ASCC3: variants seen among roughly 807,000 people sequenced by gnomAD.
The protein encoded by ASCC3 is ASC-1 complex subunit P200.
ASCC3 carries 158 observed loss-of-function variants against 256.3 expected under a neutral mutation model. The ratio of observed to expected loss-of-function variants is 0.62; its 90% CI spans 0.54 to 0.70. The LOEUF is 0.70. Ranked by LOEUF, ASCC3 falls within the 30% of genes least tolerant of loss-of-function variation. The probability of loss-of-function intolerance (pLI) is 0.00; values close to 1 mark genes in which losing one functional copy is unlikely to be tolerated. For missense variants in ASCC3, 2,259 were observed against 2,626.0 expected (o/e 0.86, Z 3.05); for synonymous variants, 948 against 883.4 (o/e 1.07, Z -1.30).
intron 16 of ASCC3, among the ~76,000 whole-genome samples, chr6:100,658,328 A>C (rs1037515054): frequency 1.3e-4 from 20 of 151,540 alleles, no homozygotes; most frequent in African/African-American, 4.8e-4. Flanking sequence ...ATATCACTTC[A>C]TATCTAACTT....
chr6:100,851,302 C>T (rs979175179), intron 3 of ASCC3, among the ~76,000 whole-genome samples: 7 of 152,092 alleles, frequency 4.6e-5, no homozygotes, highest in Admixed American at 6.5e-5. Flanking sequence ...ATAAATAGGT[C>T]ACCTTAAGAA....
rs997113435 is a variant in ASCC3 at position 100,509,819 on chromosome 6, C to T, written c.6461+113G>A. 5.6e-5 allele frequency: 61 copies of T among 1,091,764 alleles called. No homozygotes were observed. In the African/African-American group the frequency reaches 7.6e-4, roughly 14 times the overall value. 67.6% of individuals were successfully genotyped at this position (1,091,764 alleles called of 1,614,324 possible). A position where few individuals can be genotyped will look rare whatever the true frequency, so the allele number is the denominator to read the frequency against. On this transcript the variant is annotated intron_variant, in intron 41 of 41. Coordinates refer to ENST00000369162, the MANE Select transcript of ASCC3 (RefSeq NM_006828.4). ...AGGAGAATGGCGTGAACCCGGGAGG[C>T]GGAGCTTGCAGTGAGCAGAGATCGC... is the stretch of plus-strand genomic sequence containing the variant.
chr6:100,648,590 A>G (rs186154259), intron 20 of ASCC3, among the ~76,000 whole-genome samples: 2 of 152,156 alleles, frequency 1.3e-5, no homozygotes, highest in East Asian at 3.9e-4. Flanking sequence ...AATGGTAGAT[A>G]GAAGTATGAG....
intron 8 of ASCC3, among the ~76,000 whole-genome samples, chr6:100,771,904 G>C (rs1781954183): frequency 9.0e-6 from 1 of 111,484 alleles, no homozygotes. Context: ...TTGAGATGGA[G>C]TCTCTTGCTC....
chr6:100,662,112 A>G (rs888322337), intron 15 of ASCC3, 82 bp from the exon 16 acceptor site: 2 of 1,354,752 alleles, frequency 1.5e-6, no homozygotes, highest in Admixed American at 3.5e-5. Context: ...AATTAGGCAA[A>G]TATGGCAAGA....
At chr6:100,872,448 T>G in intron 1 of ASCC3, among the ~76,000 whole-genome samples, 1 of 103,940 alleles carries the variant, frequency 9.6e-6, no homozygotes, top group African/African-American at 3.8e-5. Context: ...CCCTGAGACC[T>G]GAGTAGAAAA....
intron 36 of ASCC3, among the ~76,000 whole-genome samples, chr6:100,582,499 G>A (rs1771349822): frequency 1.3e-5 from 2 of 151,698 alleles, no homozygotes; most frequent in African/African-American, 4.8e-5. Flanking sequence ...GAGACAATGG[G>A]GTTTTCTAGA....
chr6:100,675,877 AT>A (rs1353300761), intron 14 of ASCC3, among the ~76,000 whole-genome samples: 2 of 152,162 alleles, frequency 1.3e-5, no homozygotes, highest in Non-Finnish European at 2.9e-5. Context: ...TAACAGAAAA[AT>A]TTGATTTGAT....
chr6:100,544,169 C>A (rs1562107531), intron 36 of ASCC3, among the ~76,000 whole-genome samples: 1 of 152,012 alleles, frequency 6.6e-6, no homozygotes, highest in African/African-American at 2.4e-5. Flanking sequence ...ATCATTGGAA[C>A]AGTACTTAGG....
chr6:100,514,272 T>A (rs993752657), intron 39 of ASCC3, among the ~76,000 whole-genome samples: 3 of 152,100 alleles, frequency 2.0e-5, no homozygotes, highest in Admixed American at 1.3e-4. Context: ...CTAGAACCCA[T>A]AGTCACTAAG....
chr6:100,665,235 T>A (rs1776407062), intron 14 of ASCC3, among the ~76,000 whole-genome samples: 1 of 152,162 alleles, frequency 6.6e-6, no homozygotes, highest in Non-Finnish European at 1.5e-5. Flanking sequence ...TTGGTATATC[T>A]CTCTGGTCTC....
At chr6:100,542,465 G>A (rs1400425289) in intron 36 of ASCC3, among the ~76,000 whole-genome samples, 4 of 152,034 alleles carry the variant, frequency 2.6e-5, no homozygotes, top group Admixed American at 6.6e-5. Flanking sequence ...AGCGGATCAC[G>A]AGGTCAAGAG....
chr6:100,590,001 T>C lies in ASCC3; in HGVS notation c.5362A>G (p.Ile1788Val), dbSNP rs1212571509. 1 of 1,613,618 alleles carries C rather than the reference T, an allele frequency of 6.2e-7. No homozygotes were observed. Among genetic ancestry groups the C allele is most frequent in the African/African-American group, 1.3e-5 (1 of 74,916 alleles). Residue 1788 changes from isoleucine to valine, a missense_variant, in exon 35 of 42, where the codon ATT (isoleucine) becomes GTT (valine). Physicochemically the swap from Ile to Val is conservative, Grantham distance 29. Around this residue, in one of 2 missense-constraint regions of ASCC3, gnomAD observed 1,839 missense variants for 2,206.7 expected, o/e 0.83. Transcript: ENST00000369162. Reference protein sequence around the residue: ...DSVNKFLSHLIEKSLIELELS... With the variant: ...DSVNKFLSHLVEKSLIELELS... ...TCCAATTCAATCAGGGACTTCTCAA[T>C]CAGATGGGACAGAAACTTGTTCACA...
intron 4 of ASCC3, among the ~76,000 whole-genome samples, chr6:100,846,904 CAATT>C (rs10565511): frequency 0.35 from 52,399 of 151,638 alleles, 10,565 homozygotes; most frequent in Middle Eastern, 0.48. Context: ...TCCTGCTAGA[CAATT>C]AATTCTGAGA....
At chr6:100,655,917 C>G in intron 16 of ASCC3, 99 bp from the exon 17 acceptor site, 2 of 1,362,090 alleles carry the variant, frequency 1.5e-6, no homozygotes, top group Non-Finnish European at 2.1e-6. Flanking sequence ...AAAAATACAT[C>G]ATTATGCAGT....
At chr6:100,517,602 T>C (rs868111370) in intron 38 of ASCC3, among the ~76,000 whole-genome samples, 1 of 152,188 alleles carries the variant, frequency 6.6e-6, no homozygotes, top group Non-Finnish European at 1.5e-5. Flanking sequence ...CTTTTGACAA[T>C]GGATTTCAGA....
chr6:100,624,469 C>T (rs9485236), intron 30 of ASCC3, among the ~76,000 whole-genome samples: 9,940 of 151,744 alleles, frequency 0.066, 733 homozygotes, highest in East Asian at 0.31. Flanking sequence ...CAATAAGTTG[C>T]AACAAATGAG....
chr6:100,846,002 T>A (rs1044673138), intron 4 of ASCC3, among the ~76,000 whole-genome samples: 3 of 152,144 alleles, frequency 2.0e-5, no homozygotes, highest in African/African-American at 7.2e-5. Flanking sequence ...GCATGCTACA[T>A]AAATATTCCT....
chr6:100,661,886 G>A lies in ASCC3; in HGVS notation c.2623C>T (p.His875Tyr), dbSNP rs1224298442. The part of the protein sequence containing the change: ...IIITTHDKLS[H>Y]YLTLLTQRNP... ...CGTTGAGTGAGCAAAGTGAGGTAAT[G>A]GCTGAGTTTATCATGCGTTGTTATA... The change falls in exon 16 of 42, where the codon CAT becomes TAT. Residue 875 changes from histidine (H) to tyrosine (Y), a missense_variant. His to Tyr is a moderately conservative substitution (Grantham distance 83). Around this residue, in one of 2 missense-constraint regions of ASCC3, gnomAD observed 1,839 missense variants for 2,206.7 expected, o/e 0.83. Coordinates refer to ENST00000369162, the MANE Select transcript of ASCC3 (RefSeq NM_006828.4). The A allele has an allele frequency of 2.5e-6, 4 of 1,613,222 alleles. No individual in the cohort carries two copies. The highest frequency in any genetic ancestry group is 2.2e-5 in the South Asian group (2 of 91,072).
Sources: allele counts gnomAD v4.1 joint callset (sites outside exome capture counted in the v4.1 genomes callset), GRCh38; gene constraint gnomAD v4.1.1; regional missense constraint gnomAD v4.1.1; transcripts MANE v1.5; gene names NCBI Gene and HGNC (gene_info 2026-07-23, HGNC 2026-07-21).